The following FHAD1 variants were observed in gnomAD, a reference collection of about 807,000 sequenced individuals.
FHAD1 encodes the protein forkhead associated phosphopeptide binding domain 1, also known as forkhead-associated domain-containing protein 1.
FHAD1 carries 146 observed loss-of-function variants against 191.3 expected under a neutral mutation model. That is an observed-to-expected ratio of 0.76 (90% CI 0.67 to 0.88). The LOEUF (loss-of-function observed/expected upper bound fraction) is 0.88, where lower values mean the gene tolerates loss of function less well. Ranked by LOEUF, FHAD1 falls within the 40% of genes least tolerant of loss-of-function variation. The pLI, the probability that FHAD1 is intolerant of heterozygous loss-of-function variation, is 0.00. For synonymous variants in FHAD1, 616 were observed against 672.3 expected, an observed-to-expected ratio of 0.92 and a Z score of 1.29; for missense variants, 1,635 against 1,785.8, an observed-to-expected ratio of 0.92 and a Z score of 1.52.
At chr1:15,308,846 A>G in intron 7 of FHAD1, 110 bp downstream of exon 7, 1 of 1,478,962 alleles carries the variant, frequency 6.8e-7, no homozygotes, top group Non-Finnish European at 9.1e-7. Context: ...ACTTGGCTGC[A>G]GCCTCAGAGT....
chr1:15,355,914 A>C (rs996013825), intron 20 of FHAD1, among the ~76,000 whole-genome samples: 5 of 151,412 alleles, frequency 3.3e-5, no homozygotes, highest in Admixed American at 2.6e-4. Flanking sequence ...TATAAAAAAA[A>C]ACCTGTCATT....
chr1:15,256,367 G>T (rs1390133190), intron 2 of FHAD1, among the ~76,000 whole-genome samples: 2 of 152,068 alleles, frequency 1.3e-5, no homozygotes, highest in East Asian at 3.9e-4. Context: ...TTCCAGGACC[G>T]CACAGCCAGG....
chr1:15,262,645 A>G (rs372912849), intron 2 of FHAD1, among the ~76,000 whole-genome samples: 2 of 152,214 alleles, frequency 1.3e-5, no homozygotes, highest in East Asian at 3.8e-4. Context: ...TTCTTTTAAA[A>G]GCTAAATAAC....
Position 15,388,125 on chromosome 1 carries a change from CAGGCAGG to C in FHAD1, c.4264_4269+1del. The C allele has an allele frequency of 1.6e-6, 2 of 1,289,306 alleles. No individual in the cohort carries two copies. The highest frequency in any genetic ancestry group is 1.0e-6 in the Non-Finnish European group (1 of 988,420). The allele number at this position is 1,289,306 out of a possible 1,614,324, so 79.9% of individuals were successfully genotyped here. On this transcript the variant is annotated splice_donor_variant and coding_sequence_variant, in exon 32 of 34. Coordinates refer to ENST00000688493, the MANE Select transcript of FHAD1 (RefSeq NM_001391957.1). LOFTEE classifies it high-confidence loss of function. ...GCAACTGTGCCTTCAAAGAGAAAGA[CAGGCAGG>C]TATGGGAGGTGTTCTGATGTTGCAG... is the stretch of plus-strand genomic sequence containing the variant.
At position 15,274,276 on chromosome 1, in the gene FHAD1, A is replaced by G. The variant is rs1447335892; in HGVS notation, c.300+1747A>G. Among the ~76,000 whole-genome samples, 3 of 152,292 alleles carry G rather than the reference A, an allele frequency of 2.0e-5. No homozygotes were observed. The East Asian group carries it at 5.8e-4, about 29-fold the overall frequency. On this transcript the variant is annotated intron_variant, in intron 3 of 33. Coordinates refer to ENST00000688493, the MANE Select transcript of FHAD1 (RefSeq NM_001391957.1). The stretch of plus-strand genomic sequence containing the variant: ...TGTCACCCAGTGGTAAAGATGTCCA[A>G]CCTTCACTTCTGAAGGAGCAAAAGA...
chr1:15,329,525 C>G lies in FHAD1; in HGVS notation c.1890C>G (p.Pro630=), dbSNP rs914574933. ...EQLLRDLGIL[P]SSPNKGFSLY... ...TCCTCCGGGACCTCGGGATCCTGCC[C>G]TCCAGCCCCAACAAAGGTTACTGGG... The change falls in exon 14 of 34, where the codon CCC becomes CCG. Residue 630 remains proline, a synonymous_variant. Transcript: ENST00000688493. This position sits in a 1 kb window ranked among gnomAD's most constrained non-coding sequence, Gnocchi z 5.0. The G allele has an allele frequency of 6.4e-7, 1 of 1,550,846 alleles. No individual in the cohort carries two copies. Among genetic ancestry groups the G allele is most frequent in the African/African-American group, 1.4e-5 (1 of 73,036 alleles).
chr1:15,241,801 T>G (rs1645407227), intron 1 of FHAD1, among the ~76,000 whole-genome samples: 1 of 152,212 alleles, frequency 6.6e-6, no homozygotes, highest in Admixed American at 6.5e-5. Context: ...TTTTGCTTCT[T>G]GATCTGGATT....
chr1:15,293,519 A>T (rs938074978), intron 4 of FHAD1, among the ~76,000 whole-genome samples: 1 of 152,166 alleles, frequency 6.6e-6, no homozygotes, highest in Non-Finnish European at 1.5e-5. Context: ...GGAGTCTGAG[A>T]CCAGCCTGAC....
chr1:15,255,609 C>G (rs1647643396), intron 2 of FHAD1, among the ~76,000 whole-genome samples: 1 of 152,232 alleles, frequency 6.6e-6, no homozygotes, highest in African/African-American at 2.4e-5. Flanking sequence ...CACATGGTCC[C>G]TGCAATCAGG....
chr1:15,369,487 C>T lies in FHAD1; in HGVS notation c.3432C>T (p.Phe1144=), dbSNP rs770462445. The change falls in exon 26 of 34, where the codon TTC becomes TTT. Residue 1144 remains phenylalanine (F), a synonymous_variant. Transcript: ENST00000688493. ...VQIEPVHTEA[F]SSSQEQQSFS... ...TAGAACCCGTCCACACTGAGGCCTT[C>T]TCCAGCAGCCAAGAGGTGAGTGCCA... 1.3e-6 allele frequency: 2 copies of T among 1,551,700 alleles called. No homozygotes were observed. Among genetic ancestry groups the T allele is most frequent in the South Asian group, 1.2e-5 (1 of 84,058 alleles).
chr1:15,369,141 A>G (rs1436627024), intron 25 of FHAD1, among the ~76,000 whole-genome samples: 3 of 152,198 alleles, frequency 2.0e-5, no homozygotes, highest in African/African-American at 4.8e-5. Context: ...AAGCCACAGC[A>G]GGTGTCTTCA....
rs182292624 is a variant in FHAD1 at position 15,299,346 on chromosome 1, A to G, written c.679-1859A>G. On this transcript the variant is annotated intron_variant, in intron 5 of 33. Coordinates refer to ENST00000688493, the MANE Select transcript of FHAD1 (RefSeq NM_001391957.1). The stretch of plus-strand genomic sequence containing the variant: ...GATCAGCTTCCCCTCCCCCGCTATC[A>G]GTTTCTCCACTGTTTCCCTCATAGT... Among the ~76,000 whole-genome samples the G allele has an allele frequency of 3.1e-3, 479 of 152,104 alleles. 3 individuals are homozygous for G. The highest frequency in any genetic ancestry group is 0.014 in the Middle Eastern group (4 of 290).
rs1706441354 is a variant in FHAD1, at chr1:15,397,711, T to A, written c.*298T>A. The A allele has an allele frequency of 5.2e-6, 1 of 192,706 alleles. No homozygotes were observed. The highest frequency in any genetic ancestry group is 1.9e-4 in the South Asian group (1 of 5,338). 11.9% of individuals were successfully genotyped at this position (192,706 alleles called of 1,614,324 possible). A position where few individuals can be genotyped will look rare whatever the true frequency, so the allele number is the denominator to read the frequency against. On this transcript the variant is annotated 3_prime_UTR_variant, in exon 34 of 34. Coordinates refer to ENST00000688493, the MANE Select transcript of FHAD1 (RefSeq NM_001391957.1). Reference sequence around the variant, plus strand: ...TTATGTGGTCCACGTTGGGTCATGATGTTCCCAAATATCAAACCTCCTAAG... The same window carrying A: ...TTATGTGGTCCACGTTGGGTCATGAAGTTCCCAAATATCAAACCTCCTAAG...
intron 20 of FHAD1, among the ~76,000 whole-genome samples, chr1:15,355,376 T>C (rs1692373179): frequency 6.6e-6 from 1 of 152,188 alleles, no homozygotes; most frequent in African/African-American, 2.4e-5. Context: ...TTGCACATTA[T>C]TTTATCTGTA....
At chr1:15,240,956 C>CAAAAAAAAAAAAA (rs55740154) in intron 1 of FHAD1, among the ~76,000 whole-genome samples, 1 of 124,820 alleles carries the variant, frequency 8.0e-6, no homozygotes. Context: ...GACTCTATCT[C>CAAAAAAAAAAAAA]AAAAAAAAAA....
At chr1:15,291,939 G>A (rs1448169675) in intron 4 of FHAD1, among the ~76,000 whole-genome samples, 2 of 152,192 alleles carry the variant, frequency 1.3e-5, no homozygotes, top group African/African-American at 4.8e-5. Context: ...TGGTCCTAGA[G>A]AGAAAAGCAG....
chr1:15,390,804 G>A (rs1335187266), intron 32 of FHAD1, among the ~76,000 whole-genome samples: 2 of 152,210 alleles, frequency 1.3e-5, no homozygotes, highest in Non-Finnish European at 2.9e-5. Context: ...CACCATCCCT[G>A]AGCCATTGGG....
At chr1:15,290,761 G>A (rs564035580) in intron 4 of FHAD1, among the ~76,000 whole-genome samples, 2 of 150,770 alleles carry the variant, frequency 1.3e-5, no homozygotes, top group South Asian at 2.1e-4. Flanking sequence ...GCAGGATTTC[G>A]GCAGTGGTGC....
intron 16 of FHAD1, among the ~76,000 whole-genome samples, chr1:15,342,788 T>A (rs1366322921): frequency 6.6e-6 from 1 of 151,052 alleles, no homozygotes; most frequent in Non-Finnish European, 1.5e-5. Context: ...GCCTCCCAAG[T>A]AGCTGGGACC....
Sources: allele counts gnomAD v4.1 joint callset (sites outside exome capture counted in the v4.1 genomes callset), GRCh38; gene constraint gnomAD v4.1.1; non-coding constraint Gnocchi (gnomAD v3.1); transcripts MANE v1.5; gene names NCBI Gene and HGNC (gene_info 2026-07-23, HGNC 2026-07-21).